The following SPAG16 variants were observed in gnomAD, a reference collection of about 807,000 sequenced individuals.
SPAG16 encodes sperm associated antigen 16.
SPAG16 carries 86 observed loss-of-function variants against 80.4 expected under a neutral mutation model. The ratio of observed to expected loss-of-function variants is 1.07; its 90% CI spans 0.90 to 1.28. The LOEUF is 1.28. SPAG16 is among the 50% of genes most tolerant of loss of function. The pLI, the probability that SPAG16 is intolerant of heterozygous loss-of-function variation, is 0.00. For synonymous variants in SPAG16, 294 were observed against 265.9 expected (o/e 1.11, Z -1.03); for missense variants, 870 against 765.3 (o/e 1.14, Z -1.61).
chr2:213,364,145 G>C lies in SPAG16; in HGVS notation c.832G>C (p.Val278Leu). The change falls in exon 8 of 16, where the codon GTT becomes CTT. Residue 278 changes from valine to leucine, a missense_variant and splice_region_variant. Physicochemically the swap from Val to Leu is conservative, Grantham distance 32. Transcript: ENST00000331683. ...GHSYHGPQIK[V>L]DHSREKENAP... is the part of the protein sequence containing the mutation. Reference sequence around the variant, plus strand: ...TAGTTACCATGGTCCTCAAATTAAAGGTAAATGTAAAATGTGATGAAGCTC... The same window carrying C: ...TAGTTACCATGGTCCTCAAATTAAACGTAAATGTAAAATGTGATGAAGCTC... The C allele has an allele frequency of 1.3e-6, 2 of 1,499,868 alleles. No homozygotes were observed. Among genetic ancestry groups the C allele is most frequent in the Non-Finnish European group, 1.8e-6 (2 of 1,122,220 alleles). The allele number at this position is 1,499,868 out of a possible 1,614,324, so 92.9% of individuals were successfully genotyped here.
intron 10 of SPAG16, among the ~76,000 whole-genome samples, chr2:213,576,017 G>T (rs59548846): frequency 0.019 from 2,915 of 152,200 alleles, 96 homozygotes; most frequent in African/African-American, 0.066. Context: ...GTCCTGAATG[G>T]TATTGCCTAG....
At chr2:213,999,171 G>T (rs984721362) in intron 12 of SPAG16, among the ~76,000 whole-genome samples, 1 of 151,702 alleles carries the variant, frequency 6.6e-6, no homozygotes, top group Admixed American at 6.5e-5. Flanking sequence ...AGGTCTTCAC[G>T]GCAGCCCCTC....
At chr2:213,743,368 G>T (rs1036699783) in intron 10 of SPAG16, among the ~76,000 whole-genome samples, 53 of 152,086 alleles carry the variant, frequency 3.5e-4, no homozygotes, top group Non-Finnish European at 1.2e-4. Context: ...GTGAAAGAAT[G>T]AATTTATTCT....
intron 15 of SPAG16, among the ~76,000 whole-genome samples, chr2:214,301,307 A>G (rs1356586349): frequency 1.3e-5 from 2 of 151,728 alleles, no homozygotes; most frequent in Non-Finnish European, 2.9e-5. Context: ...TCAAAAAAAA[A>G]AAACTACCTC....
Position 214,081,590 on chromosome 2 carries a change from A to G in SPAG16, c.1528-26606A>G, listed in dbSNP as rs1018817676. On this transcript the variant is annotated intron_variant, in intron 13 of 15. Coordinates refer to ENST00000331683, the MANE Select transcript of SPAG16 (RefSeq NM_024532.5). ...CTGCCAGCCGTCACCAGAAACTAAC[A>G]GAGAGACATAACATTCTCCCTCAGA... Among the ~76,000 whole-genome samples, 26 of 152,344 alleles carry G rather than the reference A, an allele frequency of 1.7e-4. 1 individual carries two copies. The highest frequency in any genetic ancestry group is 1.3e-3 in the Admixed American group (20 of 15,298).
chr2:214,376,321 C>G (rs1203253719), intron 15 of SPAG16, among the ~76,000 whole-genome samples: 1 of 152,004 alleles, frequency 6.6e-6, no homozygotes, highest in African/African-American at 2.4e-5. Flanking sequence ...GATACAGCAC[C>G]TTGTCTGCTA....
At chr2:213,312,743 G>A (rs1333998596) in intron 4 of SPAG16, among the ~76,000 whole-genome samples, 1 of 151,558 alleles carries the variant, frequency 6.6e-6, no homozygotes, top group Non-Finnish European at 1.5e-5. Context: ...TTTAATAATG[G>A]AAGAGATTGT....
chr2:213,764,105 A>T (rs922750070), intron 10 of SPAG16, among the ~76,000 whole-genome samples: 22 of 152,230 alleles, frequency 1.4e-4, no homozygotes, highest in Admixed American at 1.0e-3. Context: ...TATTAGTTAG[A>T]TATCTTGTGA....
At chr2:213,759,549 T>TG (rs953571046) in intron 10 of SPAG16, among the ~76,000 whole-genome samples, 1 of 151,584 alleles carries the variant, frequency 6.6e-6, no homozygotes, top group Admixed American at 6.6e-5. Context: ...GCAGTTATGG[T>TG]GGTACAAATT....
intron 13 of SPAG16, among the ~76,000 whole-genome samples, chr2:214,099,420 A>G (rs61354468): frequency 0.29 from 44,035 of 151,958 alleles, 6,540 homozygotes; most frequent in African/African-American, 0.32. Context: ...ATTGCTATAC[A>G]CAAAGTACTT....
At chr2:213,945,162 A>ATG (rs1353552608) in intron 12 of SPAG16, among the ~76,000 whole-genome samples, 1 of 151,150 alleles carries the variant, frequency 6.6e-6, no homozygotes, top group Non-Finnish European at 1.5e-5. Flanking sequence ...ATATATATAT[A>ATG]TGTGTGTGTA....
At chr2:214,167,187 T>C (rs1399174664) in intron 15 of SPAG16, among the ~76,000 whole-genome samples, 1 of 152,174 alleles carries the variant, frequency 6.6e-6, no homozygotes, top group African/African-American at 2.4e-5. Context: ...TAACTCCGGC[T>C]CTGTCCCTCC....
chr2:213,792,712 T>G (rs1177861490), intron 10 of SPAG16, among the ~76,000 whole-genome samples: 1 of 148,060 alleles, frequency 6.8e-6, no homozygotes, highest in Non-Finnish European at 1.5e-5. Context: ...GCCTCCCGAG[T>G]AGCTGGAATT....
At chr2:213,630,243 G>T (rs913269348) in intron 10 of SPAG16, among the ~76,000 whole-genome samples, 2 of 152,160 alleles carry the variant, frequency 1.3e-5, no homozygotes, top group Non-Finnish European at 2.9e-5. Flanking sequence ...AATTAGCTGG[G>T]CATGGTGGCA....
chr2:213,833,521 A>ATTAT (rs1491409599), intron 10 of SPAG16, among the ~76,000 whole-genome samples: 6 of 1,870 alleles, frequency 3.2e-3, no homozygotes, highest in Non-Finnish European at 3.7e-3. Flanking sequence ...TAATATATAT[A>ATTAT]ATATATATAT....
In SPAG16 at chr2:214,108,248, T is replaced by A. The variant is rs758452486; in HGVS notation, c.1580T>A (p.Ile527Asn). Reference protein sequence around the residue: ...YGHMHSINDAIFDPRGHMIAS... With the variant: ...YGHMHSINDANFDPRGHMIAS... ...CACATGCATTCTATCAATGATGCCA[T>A]TTTTGATCCCAGGGTAAGTTCAGTT... The change falls in exon 14 of 16, where the codon ATT (isoleucine) becomes AAT (asparagine). Residue 527 changes from isoleucine (I) to asparagine (N), a missense_variant. Coordinates refer to ENST00000331683, the MANE Select transcript of SPAG16 (RefSeq NM_024532.5). The A allele has an allele frequency of 6.2e-7, 1 of 1,600,734 alleles. No homozygotes were observed. The highest frequency in any genetic ancestry group is 1.7e-5 in the Admixed American group (1 of 59,750).
At chr2:213,730,666 T>C (rs1416022974) in intron 10 of SPAG16, among the ~76,000 whole-genome samples, 1 of 152,208 alleles carries the variant, frequency 6.6e-6, no homozygotes, top group Non-Finnish European at 1.5e-5. Context: ...GTAGTTCTCC[T>C]ACTTGGTGTT....
At chr2:213,362,047 C>T (rs1055026146) in intron 7 of SPAG16, among the ~76,000 whole-genome samples, 8 of 151,944 alleles carry the variant, frequency 5.3e-5, no homozygotes, top group African/African-American at 1.9e-4. Context: ...CAAGGGAGTA[C>T]CCAGGCATTC....
intron 10 of SPAG16, among the ~76,000 whole-genome samples, chr2:213,629,216 C>A (rs1412999250): frequency 2.6e-5 from 4 of 152,076 alleles, no homozygotes; most frequent in African/African-American, 9.7e-5. Context: ...TTGACTTGTC[C>A]CTTCAACAGC....
Sources: gnomAD v4.1 joint callset for allele counts (sites outside exome capture counted in the v4.1 genomes callset) on GRCh38, gnomAD v4.1.1 for gene constraint, MANE v1.5 for transcripts, NCBI Gene and HGNC (gene_info 2026-07-23, HGNC 2026-07-21) for gene names.